MSR1: variants seen among roughly 807,000 people sequenced by gnomAD.
MSR1 encodes macrophage scavenger receptor 1.
Under a neutral mutation model 47.2 loss-of-function variants are expected in MSR1, and 53 were observed. The observed-to-expected ratio is 1.12, with a 90% CI of 0.90 to 1.41. MSR1 has a LOEUF of 1.41. Ranked by LOEUF, MSR1 falls within the 40% of genes most tolerant of loss-of-function variation. The probability of loss-of-function intolerance (pLI) is 0.00; values close to 1 mark genes in which losing one functional copy is unlikely to be tolerated. For synonymous variants in MSR1, 239 were observed against 185.6 expected (o/e 1.29, Z -2.34); for missense variants, 786 against 546.9 (o/e 1.44, Z -4.36).
At chr8:16,188,258 T>G (rs1254860112) in intron 1 of MSR1, among the ~76,000 whole-genome samples, 2 of 152,122 alleles carry the variant, frequency 1.3e-5, no homozygotes, top group Admixed American at 1.3e-4. Flanking sequence ...ACCTTACTTT[T>G]TTGTTTTTAT....
intron 1 of MSR1, among the ~76,000 whole-genome samples, chr8:16,179,374 A>T (rs967716713): frequency 6.6e-6 from 1 of 152,338 alleles, no homozygotes; most frequent in Middle Eastern, 3.4e-3. Flanking sequence ...TAAATCCATT[A>T]GAGAACATAG....
chr8:16,136,092 T>C (rs1200916596), intron 8 of MSR1, among the ~76,000 whole-genome samples: 1 of 152,162 alleles, frequency 6.6e-6, no homozygotes, highest in Non-Finnish European at 1.5e-5. Flanking sequence ...ATAGATTTAG[T>C]TGACAAAGCA....
At chr8:16,113,236 C>A (rs925250969) in intron 9 of MSR1, among the ~76,000 whole-genome samples, 5 of 151,988 alleles carry the variant, frequency 3.3e-5, no homozygotes, top group Admixed American at 2.6e-4. Flanking sequence ...GGGTGAGCCA[C>A]TGTGCCTGAC....
intron 5 of MSR1, among the ~76,000 whole-genome samples, chr8:16,161,425 C>A (rs1014084873): frequency 2.0e-5 from 3 of 151,906 alleles, no homozygotes; most frequent in African/African-American, 7.2e-5. Context: ...GTGGAGGTAT[C>A]TAACTGTTAG....
intron 8 of MSR1, among the ~76,000 whole-genome samples, chr8:16,130,733 G>T (rs1410195529): frequency 6.6e-6 from 1 of 151,934 alleles, no homozygotes; most frequent in Non-Finnish European, 1.5e-5. Flanking sequence ...AACATGAAGT[G>T]TTTGGTTTTC....
chr8:16,186,244 T>C, intron 1 of MSR1: 1 of 1,516,492 alleles, frequency 6.6e-7, no homozygotes, highest in Non-Finnish European at 8.9e-7. Flanking sequence ...GTATTCCTCC[T>C]CATCTCCCCA....
chr8:16,138,093 C>G (rs1800435725), intron 8 of MSR1, among the ~76,000 whole-genome samples: 1 of 151,648 alleles, frequency 6.6e-6, no homozygotes, highest in South Asian at 2.1e-4. Flanking sequence ...TAAGATTGAG[C>G]TGAGTCCTTA....
intron 8 of MSR1, chr8:16,140,653 T>G: frequency 8.3e-7 from 1 of 1,210,212 alleles, no homozygotes; most frequent in Non-Finnish European, 1.0e-6. Context: ...ACCCAATAAA[T>G]TAAATTGGGT....
At chr8:16,192,254 T>A (rs1410089246) in intron 1 of MSR1, among the ~76,000 whole-genome samples, 1 of 152,158 alleles carries the variant, frequency 6.6e-6, no homozygotes, top group Non-Finnish European at 1.5e-5. Context: ...TGTCAAATTA[T>A]ACTTTGAATA....
rs142585229 is a variant in MSR1, at chr8:16,175,299, A to T, written c.105T>A (p.Asn35Lys). Reference sequence around the variant, plus strand: ...CTTGAAGGGAAGGGCTGTTTTTAGGATCTAATAAAACAAAAAAGCCCAGCC... The same window carrying T: ...CTTGAAGGGAAGGGCTGTTTTTAGGTTCTAATAAAACAAAAAAGCCCAGCC... ...ARSMTALLPP[N>K]PKNSPSLQEK... The change falls in exon 3 of 10, where the codon AAT (asparagine) becomes AAA (lysine). Residue 35 changes from asparagine to lysine, a missense_variant and splice_region_variant. Asn to Lys is a moderately conservative substitution (Grantham distance 94). Coordinates refer to ENST00000262101, the MANE Select transcript of MSR1 (RefSeq NM_138715.3). The T allele has an allele frequency of 7.3e-5, 118 of 1,612,708 alleles. No homozygotes were observed. In the African/African-American group the frequency reaches 1.5e-3, roughly 21 times the overall value.
At chr8:16,164,643 T>A (rs2117171052) in intron 4 of MSR1, among the ~76,000 whole-genome samples, 1 of 152,082 alleles carries the variant, frequency 6.6e-6, no homozygotes, top group Non-Finnish European at 1.5e-5. Flanking sequence ...GTGAATTTGA[T>A]AGATTTATAT....
chr8:16,136,522 C>A lies in MSR1; in HGVS notation c.1033+7036G>T, dbSNP rs528214397. Among the ~76,000 whole-genome samples the A allele has an allele frequency of 2.0e-5, 3 of 151,644 alleles. 1 individual carries two copies. Among genetic ancestry groups the A allele is most frequent in the African/African-American group, 7.3e-5 (3 of 41,270 alleles). ...ATAATTGCTTTTTTTTTGCCTTGGT[C>A]TGGAACTGAAACCACAATATGTCCA... is the stretch of plus-strand genomic sequence containing the variant. On this transcript the variant is annotated intron_variant, in intron 8 of 9. Transcript: ENST00000262101.
At chr8:16,170,020 GT>G (rs1267334520) in intron 3 of MSR1, among the ~76,000 whole-genome samples, 2 of 151,952 alleles carry the variant, frequency 1.3e-5, no homozygotes, top group Admixed American at 6.6e-5. Flanking sequence ...ATGTTTTCTA[GT>G]TTCAAAAAAA....
chr8:16,112,641 C>T (rs1799783583), intron 9 of MSR1, among the ~76,000 whole-genome samples: 1 of 151,804 alleles, frequency 6.6e-6, no homozygotes, highest in Admixed American at 6.6e-5. Context: ...TTGTGTAAAC[C>T]AATGAGATAA....
intron 1 of MSR1, among the ~76,000 whole-genome samples, chr8:16,184,660 G>C (rs73665253): frequency 0.012 from 1,865 of 152,180 alleles, 30 homozygotes; most frequent in African/African-American, 0.043. Context: ...AAAATTTATT[G>C]TTTGCTTTGG....
intron 8 of MSR1, among the ~76,000 whole-genome samples, chr8:16,127,250 T>C (rs1353496652): frequency 2.0e-5 from 3 of 152,138 alleles, no homozygotes; most frequent in Non-Finnish European, 4.4e-5. Context: ...TCACGAGTCA[T>C]TCTGATGTTC....
At chr8:16,111,895 G>A (rs965122350) in intron 9 of MSR1, among the ~76,000 whole-genome samples, 3 of 152,146 alleles carry the variant, frequency 2.0e-5, no homozygotes, top group Non-Finnish European at 2.9e-5. Flanking sequence ...TATCCACCCT[G>A]AGCCACTGCC....
intron 9 of MSR1, 64 bp from the exon 10 acceptor site, chr8:16,110,282 C>A: frequency 1.3e-6 from 2 of 1,569,698 alleles, no homozygotes; most frequent in African/African-American, 1.3e-5. Flanking sequence ...TTGAGTGGGG[C>A]AAAGCCATTA....
chr8:16,173,301 C>G (rs896442660), intron 3 of MSR1, among the ~76,000 whole-genome samples: 2 of 152,282 alleles, frequency 1.3e-5, no homozygotes, highest in East Asian at 3.9e-4. Flanking sequence ...CTGCACGAGC[C>G]TATCAGAAGC....
Sources: allele counts gnomAD v4.1 joint callset (sites outside exome capture counted in the v4.1 genomes callset), GRCh38; gene constraint gnomAD v4.1.1; transcripts MANE v1.5; gene names NCBI Gene and HGNC (gene_info 2026-07-23, HGNC 2026-07-21).